WHRN: variants seen among roughly 807,000 people sequenced by gnomAD.
WHRN encodes the protein CASK-interacting protein CIP98.
In WHRN, 41 loss-of-function variants were observed where a neutral mutation model predicts 68.3. The observed-to-expected ratio is 0.60, with a 90% CI of 0.47 to 0.78. WHRN has a LOEUF of 0.78. WHRN is among the 30% of genes least tolerant of loss of function. WHRN has a pLI of 0.00. For synonymous variants in WHRN, 560 were observed against 561.3 expected (o/e 1.00, Z 0.03); for missense variants, 1,243 against 1,244.7 (o/e 1.00, Z 0.02).
At chr9:114,453,815 T>C (rs935493919) in intron 3 of WHRN, among the ~76,000 whole-genome samples, 3 of 152,190 alleles carry the variant, frequency 2.0e-5, no homozygotes, top group African/African-American at 7.2e-5. Context: ...TCCCAACTCA[T>C]TTTGTGAAGC....
intron 3 of WHRN, among the ~76,000 whole-genome samples, chr9:114,461,475 GATC>G (rs1276040198): frequency 6.6e-6 from 1 of 152,200 alleles, no homozygotes; most frequent in African/African-American, 2.4e-5. Context: ...TGCAGATCTT[GATC>G]ATCGTCTTTT....
At chr9:114,426,093 G>T (rs540176836) in intron 4 of WHRN, 118 bp downstream of exon 4, 3 of 1,325,120 alleles carry the variant, frequency 2.3e-6, no homozygotes, top group South Asian at 2.4e-5. Context: ...GAGGGCCCTG[G>T]TGTGGGGACT....
chr9:114,486,905 T>G (rs1408261861), intron 1 of WHRN, among the ~76,000 whole-genome samples: 1 of 99,542 alleles, frequency 1.0e-5, no homozygotes, highest in African/African-American at 6.1e-5. Flanking sequence ...TGTGTGTGTG[T>G]AGAGTGTGTG....
intron 4 of WHRN, 25 bp from the exon 5 acceptor site, chr9:114,425,049 A>C (rs368956856): frequency 1.2e-6 from 2 of 1,613,806 alleles, no homozygotes; most frequent in African/African-American, 2.7e-5. Flanking sequence ...ACACATCTCC[A>C]GTTGTGCATT....
chr9:114,423,231 G>T, intron 7 of WHRN, 83 bp downstream of exon 7: 2 of 1,441,552 alleles, frequency 1.4e-6, no homozygotes, highest in Non-Finnish European at 1.9e-6. Flanking sequence ...GCTGGGATTC[G>T]AACTCAGGCT....
chr9:114,441,421 T>G (rs1469713337), intron 3 of WHRN, among the ~76,000 whole-genome samples: 1 of 152,174 alleles, frequency 6.6e-6, no homozygotes, highest in Admixed American at 6.5e-5. Flanking sequence ...GACACCTCAG[T>G]AGCAATAAGC....
chr9:114,430,297 T>G (rs139625851), intron 3 of WHRN, among the ~76,000 whole-genome samples: 72 of 152,362 alleles, frequency 4.7e-4, no homozygotes, highest in African/African-American at 1.7e-3. Context: ...CAGTTAAACT[T>G]GAATTTCAGA....
At chr9:114,453,311 T>C (rs1839499163) in intron 3 of WHRN, among the ~76,000 whole-genome samples, 1 of 152,108 alleles carries the variant, frequency 6.6e-6, no homozygotes. Context: ...AACTCACTCA[T>C]TACCTCTGGG....
At chr9:114,459,404 A>C (rs1419388597) in intron 3 of WHRN, among the ~76,000 whole-genome samples, 2 of 152,148 alleles carry the variant, frequency 1.3e-5, no homozygotes, top group Non-Finnish European at 2.9e-5. Context: ...TGGAGATTGC[A>C]GTGAGCTGAG....
intron 7 of WHRN, among the ~76,000 whole-genome samples, chr9:114,421,455 C>T (rs1048947609): frequency 6.6e-6 from 1 of 152,230 alleles, no homozygotes; most frequent in Non-Finnish European, 1.5e-5. Context: ...GGACCCCAGG[C>T]CATTTTATCC....
At chr9:114,435,631 C>T (rs1028116415) in intron 3 of WHRN, among the ~76,000 whole-genome samples, 3 of 152,278 alleles carry the variant, frequency 2.0e-5, no homozygotes, top group African/African-American at 4.8e-5. Context: ...TGGTCCAAGG[C>T]TTCCTGGGCA....
Position 114,487,052 on chromosome 9 carries a change from CAAAA to C in WHRN, c.619-8285_619-8282del, listed in dbSNP as rs79611133. ...CACCTGGAACCTAGGTAAGAGATAC[CAAAA>C]AAAAAAAAGAGAGCGAGAGTGAAAG... On this transcript the variant is annotated intron_variant, in intron 1 of 11. Transcript: ENST00000362057. Among the ~76,000 whole-genome samples, 33 of 117,644 alleles carry C rather than the reference CAAAA, an allele frequency of 2.8e-4. No homozygotes were observed. In the Admixed American group the frequency reaches 2.9e-3, roughly 10 times the overall value. The allele number at this position is 117,644 out of a possible 152,430, so 77.2% of individuals were successfully genotyped here.
At chr9:114,475,644 G>A (rs1272289920) in intron 2 of WHRN, among the ~76,000 whole-genome samples, 2 of 152,162 alleles carry the variant, frequency 1.3e-5, no homozygotes, top group South Asian at 4.1e-4. Flanking sequence ...TTATGGTTAC[G>A]AGTCCAAGAG....
At chr9:114,468,505 G>A (rs1184089089) in intron 2 of WHRN, among the ~76,000 whole-genome samples, 2 of 152,104 alleles carry the variant, frequency 1.3e-5, no homozygotes, top group Non-Finnish European at 2.9e-5. Flanking sequence ...GAGTCCAATA[G>A]ACAGTGACTC....
chr9:114,477,527 T>C (rs746140160), intron 2 of WHRN, among the ~76,000 whole-genome samples: 6 of 151,938 alleles, frequency 3.9e-5, no homozygotes, highest in African/African-American at 1.2e-4. Flanking sequence ...TTCTGCAAGT[T>C]AGAACACCCC....
rs371805173 is a variant in WHRN, at chr9:114,480,631, T to C, written c.619-1860A>G. On this transcript the variant is annotated intron_variant, in intron 1 of 11. Coordinates refer to ENST00000362057, the MANE Select transcript of WHRN (RefSeq NM_015404.4). ...AGAACTGTGAGAAATTAAATGTCTA[T>C]TGCTAATGCCACCCAGTCTATGGTA... Among the ~76,000 whole-genome samples, 3 of 152,316 alleles carry C rather than the reference T, an allele frequency of 2.0e-5. No individual in the cohort carries two copies. In the East Asian group the frequency reaches 5.8e-4, roughly 29 times the overall value.
At chr9:114,475,397 C>T (rs1276110220) in intron 2 of WHRN, among the ~76,000 whole-genome samples, 1 of 152,188 alleles carries the variant, frequency 6.6e-6, no homozygotes, top group Non-Finnish European at 1.5e-5. Context: ...AGAGCAGCCA[C>T]GTCTGACTCC....
chr9:114,411,828 G>A (rs1180510441), intron 7 of WHRN, among the ~76,000 whole-genome samples: 1 of 152,174 alleles, frequency 6.6e-6, no homozygotes, highest in Non-Finnish European at 1.5e-5. Flanking sequence ...TCTACAGAAG[G>A]TAAGGTTTCT....
rs780306772 is a variant in WHRN, at chr9:114,423,542, G to A, written c.1417-19C>T. ...GTGAGAACTGGAGGCGGGGACAAAA[G>A]GGGCACTCAGCAGGGAGCGCTACTA... is the stretch of plus-strand genomic sequence containing the variant. On this transcript the variant is annotated intron_variant, in intron 6 of 11. Coordinates refer to ENST00000362057, the MANE Select transcript of WHRN (RefSeq NM_015404.4). The A allele has an allele frequency of 3.1e-6, 5 of 1,597,336 alleles. No individual in the cohort carries two copies. The highest frequency in any genetic ancestry group is 2.2e-5 in the East Asian group (1 of 44,534).
Sources: gnomAD v4.1 joint callset for allele counts (sites outside exome capture counted in the v4.1 genomes callset) on GRCh38, gnomAD v4.1.1 for gene constraint, MANE v1.5 for transcripts, NCBI Gene and HGNC (gene_info 2026-07-23, HGNC 2026-07-21) for gene names.